Variants in SPTBN1 observed in about 807,000 individuals in gnomAD.
SPTBN1 encodes the protein spectrin beta, non-erythrocytic 1.
SPTBN1 carries 32 observed loss-of-function variants against 266.4 expected under a neutral mutation model. The observed-to-expected ratio is 0.12, with a 90% CI of 0.09 to 0.16. The LOEUF (loss-of-function observed/expected upper bound fraction) is 0.16. Among genes scored for constraint, SPTBN1 ranks in the 10% least tolerant of loss-of-function variants. The pLI, the probability that SPTBN1 is intolerant of heterozygous loss-of-function variation, is 1.00. For synonymous variants in SPTBN1, 1,336 were observed against 1,162.2 expected, an observed-to-expected ratio of 1.15 and a Z score of -3.04; for missense variants, 2,296 against 3,067.1, an observed-to-expected ratio of 0.75 and a Z score of 5.94.
chr2:54,457,582 AGATG>A (rs1693124963), intron 1 of SPTBN1, among the ~76,000 whole-genome samples: 1 of 152,162 alleles, frequency 6.6e-6, no homozygotes, highest in African/African-American at 2.4e-5. Flanking sequence ...TTTTTTGGCA[AGATG>A]GATGGCTCAC....
At chr2:54,463,497 C>T (rs953025831) in intron 1 of SPTBN1, among the ~76,000 whole-genome samples, 1 of 152,178 alleles carries the variant, frequency 6.6e-6, no homozygotes, top group Non-Finnish European at 1.5e-5. Flanking sequence ...AGGCTCTTTA[C>T]ACAACCCACC....
chr2:54,558,670 C>T lies in SPTBN1; in HGVS notation c.148+32104C>T, dbSNP rs1459137409. ...TGGACTTGCAGACCGGAATGGGGCT[C>T]GCCTAAGGAGCCGAGCGCTGCGGAG... On this transcript the variant is annotated intron_variant, in intron 2 of 35. Coordinates refer to ENST00000356805, the MANE Select transcript of SPTBN1 (RefSeq NM_003128.3). This position sits in a 1 kb window ranked among gnomAD's most constrained non-coding sequence, Gnocchi z 4.6. 1.3e-6 allele frequency: 2 copies of T among 1,520,218 alleles called. No homozygotes were observed. Among genetic ancestry groups the T allele is most frequent in the Non-Finnish European group, 1.8e-6 (2 of 1,131,486 alleles). 94.2% of individuals were successfully genotyped at this position (1,520,218 alleles called of 1,614,324 possible).
intron 7 of SPTBN1, among the ~76,000 whole-genome samples, chr2:54,618,933 T>C (rs987789199): frequency 2.0e-5 from 3 of 152,238 alleles, no homozygotes; most frequent in African/African-American, 4.8e-5. Flanking sequence ...CCCCAGGTTG[T>C]AGTTCCCTTG....
intron 1 of SPTBN1, among the ~76,000 whole-genome samples, chr2:54,519,355 T>C (rs1670289905): frequency 6.6e-6 from 1 of 152,192 alleles, no homozygotes; most frequent in South Asian, 2.1e-4. Context: ...AGGTCAGCGG[T>C]GCATAAGGTG....
intron 2 of SPTBN1, among the ~76,000 whole-genome samples, chr2:54,596,234 T>G (rs1253910299): frequency 6.6e-6 from 1 of 152,154 alleles, no homozygotes; most frequent in Non-Finnish European, 1.5e-5. Context: ...CAAGCCTTGC[T>G]GGGTGGGGAG....
At position 54,493,296 on chromosome 2, in the gene SPTBN1, G is replaced by A. The variant is rs571129748; in HGVS notation, c.-47-33076G>A. On this transcript the variant is annotated intron_variant, in intron 1 of 35. Transcript: ENST00000356805. ...GTTGGAATTACAGGCATGAACCACC[G>A]CACCCGGCCTAAGGAGCATATCTTG... Among the ~76,000 whole-genome samples, 3 of 150,882 alleles carry A rather than the reference G, an allele frequency of 2.0e-5. No homozygotes were observed. The South Asian group carries it at 6.3e-4, about 32-fold the overall frequency.
intron 1 of SPTBN1, among the ~76,000 whole-genome samples, chr2:54,511,848 G>C (rs1356241905): frequency 6.6e-6 from 1 of 152,064 alleles, no homozygotes; most frequent in Non-Finnish European, 1.5e-5. Flanking sequence ...TCCAGCCTGG[G>C]TGACAGAGCT....
At chr2:54,569,979 C>CA (rs970079557) in intron 2 of SPTBN1, among the ~76,000 whole-genome samples, 13 of 149,698 alleles carry the variant, frequency 8.7e-5, no homozygotes, top group Admixed American at 6.0e-4. Context: ...ATTCCCCCCC[C>CA]CCTTTAGAAA....
chr2:54,663,052 C>A (rs1351209863), intron 32 of SPTBN1: 1 of 152,198 alleles, frequency 6.6e-6, no homozygotes, highest in African/African-American at 2.4e-5. Flanking sequence ...ACTTGTGATT[C>A]TCCCTCCTTC....
chr2:54,512,393 CT>C (rs1553437541), intron 1 of SPTBN1, among the ~76,000 whole-genome samples: 1 of 152,120 alleles, frequency 6.6e-6, no homozygotes, highest in Non-Finnish European at 1.5e-5. Context: ...AGGCTTGTTG[CT>C]GCAGTGTTAA....
intron 2 of SPTBN1, among the ~76,000 whole-genome samples, chr2:54,587,074 T>G (rs1463331690): frequency 6.6e-6 from 1 of 152,168 alleles, no homozygotes; most frequent in East Asian, 1.9e-4. Context: ...CTGACTAGCT[T>G]ACACGCCCCG....
chr2:54,486,212 G>T (rs1341853367), intron 1 of SPTBN1, among the ~76,000 whole-genome samples: 5 of 152,118 alleles, frequency 3.3e-5, no homozygotes, highest in South Asian at 2.1e-4. Flanking sequence ...CACCCTGTCT[G>T]GGAGGTGTAC....
Position 54,645,885 on chromosome 2 carries a change from T to A in SPTBN1, c.4495-43T>A. On this transcript the variant is annotated intron_variant, in intron 21 of 35. Transcript: ENST00000356805. This position sits in a 1 kb window ranked among gnomAD's most constrained non-coding sequence, Gnocchi z 4.3. ...ACTGCTCGTTTGTGTCGTATATTTG[T>A]TCCTCTGAGTGGATCTGACCACTTA... 1 of 1,605,242 alleles carries A rather than the reference T, an allele frequency of 6.2e-7. No homozygotes were observed. The highest frequency in any genetic ancestry group is 1.1e-5 in the South Asian group (1 of 90,898).
Position 54,668,502 on chromosome 2 carries a change from G to A in SPTBN1, c.7028G>A (p.Gly2343Asp), listed in dbSNP as rs766198256. ...ACCATCACCAGCGAGTCCAGTCCCGGCAAGCGGGAAAAGGACAAAGAGAAA... is the reference window on the plus strand; with the variant it reads ...ACCATCACCAGCGAGTCCAGTCCCGACAAGCGGGAAAAGGACAAAGAGAAA... Reference protein sequence around the residue: ...VVTITSESSPGKREKDKEKDK... With the variant: ...VVTITSESSPDKREKDKEKDK... Residue 2343 changes from glycine (G) to aspartate (D), a missense_variant, in exon 36 of 36, where the codon GGC becomes GAC. Transcript: ENST00000356805. 6.2e-7 allele frequency: 1 copy of A among 1,614,162 alleles called. No homozygotes were observed. The highest frequency in any genetic ancestry group is 8.5e-7 in the Non-Finnish European group (1 of 1,180,034).
rs2271327 is a variant in SPTBN1 at position 54,653,506 on chromosome 2, T to A, written c.5578-103T>A. The A allele has an allele frequency of 3.5e-5, 53 of 1,514,510 alleles. 1 individual carries two copies. The East Asian group carries it at 7.1e-4, about 20-fold the overall frequency. 93.8% of individuals were successfully genotyped at this position (1,514,510 alleles called of 1,614,324 possible). ...TAAGGGGCATGGGCCATATTTTGAC[T>A]CTGTGCTCCCTTTAGTGTATGAGCA... On this transcript the variant is annotated intron_variant, in intron 26 of 35. Coordinates refer to ENST00000356805, the MANE Select transcript of SPTBN1 (RefSeq NM_003128.3). The surrounding 1 kb of genome is among the most constrained non-coding windows in gnomAD (Gnocchi z 5.1).
Position 54,493,412 on chromosome 2 carries a change from T to TGTGGGG in SPTBN1, c.-47-32959_-47-32958insTGGGGG, listed in dbSNP as rs1553433740. 1.4e-5 allele frequency among the ~76,000 whole-genome samples: 2 copies of TGTGGGG among 146,696 alleles called. 1 individual carries two copies. Among genetic ancestry groups the TGTGGGG allele is most frequent in the East Asian group, 4.1e-4 (2 of 4,926 alleles). ...ATTGTGTGTTTTGTGTTTTCTTTTT[T>TGTGGGG]GGGGGGTTGGGGGAGACAGTCTAAC... On this transcript the variant is annotated intron_variant, in intron 1 of 35. Coordinates refer to ENST00000356805, the MANE Select transcript of SPTBN1 (RefSeq NM_003128.3).
intron 31 of SPTBN1, 119 bp from the exon 32 acceptor site, chr2:54,659,816 AT>A (rs1680915976): frequency 6.9e-7 from 1 of 1,456,758 alleles, no homozygotes; most frequent in Non-Finnish European, 9.1e-7. Flanking sequence ...AAAGAATTAA[AT>A]TATGTGAAAA....
intron 1 of SPTBN1, among the ~76,000 whole-genome samples, chr2:54,467,685 A>G (rs544368084): frequency 6.6e-6 from 1 of 152,166 alleles, no homozygotes; most frequent in South Asian, 2.1e-4. Context: ...GCGCCTGGCC[A>G]GGAGTGTTTT....
At chr2:54,559,336 T>C (rs928434231) in intron 2 of SPTBN1, among the ~76,000 whole-genome samples, 2 of 152,188 alleles carry the variant, frequency 1.3e-5, no homozygotes, top group African/African-American at 4.8e-5. Flanking sequence ...GGGAGGGGTC[T>C]TTTTGTTCCT....
Sources: allele counts gnomAD v4.1 joint callset (sites outside exome capture counted in the v4.1 genomes callset), GRCh38; gene constraint gnomAD v4.1.1; non-coding constraint Gnocchi (gnomAD v3.1); transcripts MANE v1.5; gene names NCBI Gene and HGNC (gene_info 2026-07-23, HGNC 2026-07-21).